MAPK13: variants seen among roughly 807,000 people sequenced by gnomAD.
MAPK13 encodes the protein MAP kinase 13.
In MAPK13, 39 loss-of-function variants were observed where a neutral mutation model predicts 53.5. The observed-to-expected ratio is 0.73, with a 90% confidence interval of 0.56 to 0.95. The LOEUF is 0.95. Among genes scored for constraint, MAPK13 ranks in the 40% least tolerant of loss-of-function variants. MAPK13 has a pLI of 0.00. For missense variants in MAPK13, 460 were observed against 471.8 expected, an observed-to-expected ratio of 0.98 and a Z score of 0.23; for synonymous variants, 179 against 190.9, an observed-to-expected ratio of 0.94 and a Z score of 0.51.
rs1561790308 is a variant in MAPK13, at chr6:36,136,886, C to G, written c.618C>G (p.Ile206Met). Residue 206 changes from isoleucine (I) to methionine (M), a missense_variant, in exon 8 of 12, where the codon ATC (isoleucine) becomes ATG (methionine). Physicochemically the swap from Ile to Met is conservative, Grantham distance 10. Coordinates refer to ENST00000211287, the MANE Select transcript of MAPK13 (RefSeq NM_002754.5). Reference protein sequence around the residue: ...SWMHYNQTVDIWSVGCIMAEM... With the variant: ...SWMHYNQTVDMWSVGCIMAEM... ...CTCTCCCTCCCTCTGCAGTGGACAT[C>G]TGGTCTGTGGGCTGTATCATGGCAG... 1.7e-5 allele frequency: 27 copies of G among 1,614,160 alleles called. No homozygotes were observed. The highest frequency in any genetic ancestry group is 2.3e-5 in the Non-Finnish European group (27 of 1,179,996).
chr6:36,135,235 A>G (rs1266357122), intron 3 of MAPK13, among the ~76,000 whole-genome samples: 1 of 152,094 alleles, frequency 6.6e-6, no homozygotes, highest in Non-Finnish European at 1.5e-5. Context: ...CTGTTGTGCA[A>G]TCCCCTAAGA....
intron 1 of MAPK13, 95 bp from the exon 2 acceptor site, chr6:36,131,176 T>C (rs1440401734): frequency 1.4e-6 from 2 of 1,456,076 alleles, no homozygotes; most frequent in Admixed American, 2.2e-5. Flanking sequence ...CCTAGTCCCC[T>C]CTCAGCCCAG....
chr6:36,132,521 T>G, intron 2 of MAPK13, 100 bp from the exon 3 acceptor site: 1 of 1,025,108 alleles, frequency 9.8e-7, no homozygotes, highest in Non-Finnish European at 1.5e-6. Flanking sequence ...AGGTGGTGTA[T>G]TAGGAAAGGG....
Position 36,139,153 on chromosome 6 carries a change from A to G in MAPK13, c.1018+98A>G, listed in dbSNP as rs1011966128. ...CTGGCCTCTGCCAGCCCTACCTGCC[A>G]CCTCCTTCTTGGTGGGCATTGTCTC... is the stretch of plus-strand genomic sequence containing the variant. On this transcript the variant is annotated intron_variant, in intron 11 of 11. Transcript: ENST00000211287. 2.9e-5 allele frequency: 40 copies of G among 1,399,450 alleles called. No homozygotes were observed. The Admixed American group carries it at 9.1e-4, about 32-fold the overall frequency. The allele number at this position is 1,399,450 out of a possible 1,614,324, so 86.7% of individuals were successfully genotyped here. A position where few individuals can be genotyped will look rare whatever the true frequency, so the allele number is the denominator to read the frequency against.
In MAPK13 at chr6:36,139,267, C is replaced by T. The variant is rs745584952; in HGVS notation, c.1019-27C>T. On this transcript the variant is annotated intron_variant, in intron 11 of 11. Transcript: ENST00000211287. ...TTTCTCGCCACAGCACCTCTTTACG[C>T]ACCTTAAACCATGCTGCCTTTCTCA... 3 of 1,604,478 alleles carry T rather than the reference C, an allele frequency of 1.9e-6. No individual in the cohort carries two copies. In the Admixed American group the frequency reaches 5.0e-5, roughly 27 times the overall value.
At chr6:36,136,827 A>G in intron 7 of MAPK13, 52 bp from the exon 8 acceptor site, 1 of 1,611,196 alleles carries the variant, frequency 6.2e-7, no homozygotes, top group East Asian at 2.2e-5. Context: ...CTCGGTGCTG[A>G]CTGACTGCTG....
chr6:36,136,411 C>G (rs1360623811), intron 5 of MAPK13, 73 bp from the exon 6 acceptor site: 1 of 1,351,124 alleles, frequency 7.4e-7, no homozygotes, highest in Admixed American at 2.4e-5. Flanking sequence ...GGTCACACCC[C>G]TGGGTGGTGG....
chr6:36,135,953 G>C (rs184759004), intron 4 of MAPK13, 66 bp from the exon 5 acceptor site: 7 of 1,605,490 alleles, frequency 4.4e-6, no homozygotes, highest in Admixed American at 3.3e-5. Context: ...GTTACAGGTC[G>C]GCCAGCCTGA....
At position 36,130,711 on chromosome 6, in the gene MAPK13, C is replaced by G; in HGVS notation, c.119+10C>G. On this transcript the variant is annotated intron_variant, in intron 1 of 11. Transcript: ENST00000211287. This position sits in a 1 kb window ranked among gnomAD's most constrained non-coding sequence, Gnocchi z 4.5. ...CCTATGGCTCCGTGTGGTGAGACCC[C>G]TGGGCCGCTGGGGGGCGGGGGGCGG... 2.1e-6 allele frequency: 2 copies of G among 936,624 alleles called. No homozygotes were observed. Among genetic ancestry groups the G allele is most frequent in the Non-Finnish European group, 3.1e-6 (2 of 646,298 alleles). The allele number at this position is 936,624 out of a possible 1,614,324, so 58.0% of individuals were successfully genotyped here. A position where few individuals can be genotyped will look rare whatever the true frequency, so the allele number is the denominator to read the frequency against.
chr6:36,137,081 C>T (rs973477114), intron 8 of MAPK13, 131 bp downstream of exon 8: 11 of 784,706 alleles, frequency 1.4e-5, no homozygotes, highest in Admixed American at 1.3e-4. Context: ...TTTGTAAATG[C>T]AGATAAGGCT....
intron 1 of MAPK13, chr6:36,131,039 G>T (rs1192021130): frequency 7.3e-6 from 4 of 550,934 alleles, no homozygotes; most frequent in Non-Finnish European, 1.3e-5. Flanking sequence ...TGAGACTCCC[G>T]CCCTGCCGTG....
chr6:36,136,261 A>T (rs1293461582), intron 5 of MAPK13, among the ~76,000 whole-genome samples: 3 of 152,162 alleles, frequency 2.0e-5, no homozygotes, highest in African/African-American at 7.2e-5. Context: ...CTGCAGACAA[A>T]GTGAGCCCTG....
chr6:36,131,514 T>G (rs1477374035), intron 2 of MAPK13, 114 bp downstream of exon 2: 1 of 1,034,130 alleles, frequency 9.7e-7, no homozygotes, highest in African/African-American at 1.6e-5. Context: ...CCTGCTCCCC[T>G]GACGGTGCCT....
In MAPK13 at chr6:36,136,493, C is replaced by T. The variant is rs774392687; in HGVS notation, c.457C>T (p.Pro153Ser). 2.5e-6 allele frequency: 4 copies of T among 1,599,096 alleles called. No homozygotes were observed. Among genetic ancestry groups the T allele is most frequent in the South Asian group, 1.1e-5 (1 of 88,316 alleles). ...SAGVVHRDLKPGNLAVNEDCE... is the reference protein window; with the variant it reads ...SAGVVHRDLKSGNLAVNEDCE... ...TCTGTCCTCCCCCCAGGACCTGAAG[C>T]CAGGCAACCTGGCTGTGAATGAGGA... Residue 153 changes from proline to serine, a missense_variant, in exon 6 of 12, where the codon CCA becomes TCA. Pro to Ser is a moderately conservative substitution (Grantham distance 74). Transcript: ENST00000211287.
At position 36,132,613 on chromosome 6, in the gene MAPK13, T is replaced by G; in HGVS notation, c.250-8T>G. 2 of 1,614,108 alleles carry G rather than the reference T, an allele frequency of 1.2e-6. No homozygotes were observed. The highest frequency in any genetic ancestry group is 1.7e-6 in the Non-Finnish European group (2 of 1,179,954). On this transcript the variant is annotated splice_polypyrimidine_tract_variant and splice_region_variant and intron_variant, in intron 2 of 11. Coordinates refer to ENST00000211287, the MANE Select transcript of MAPK13 (RefSeq NM_002754.5). Reference sequence around the variant, plus strand: ...CTGTCTAGCCCTCACAGGTGACTTCTTCCCCAGGTCATTGGGCTCCTGGAT... The same window carrying G: ...CTGTCTAGCCCTCACAGGTGACTTCGTCCCCAGGTCATTGGGCTCCTGGAT...
Position 36,130,716 on chromosome 6 carries a change from C to G in MAPK13, c.119+15C>G. Reference sequence around the variant, plus strand: ...GGCTCCGTGTGGTGAGACCCCTGGGCCGCTGGGGGGCGGGGGGCGGGCGCC... The same window carrying G: ...GGCTCCGTGTGGTGAGACCCCTGGGGCGCTGGGGGGCGGGGGGCGGGCGCC... On this transcript the variant is annotated intron_variant, in intron 1 of 11. Coordinates refer to ENST00000211287, the MANE Select transcript of MAPK13 (RefSeq NM_002754.5). The surrounding 1 kb of genome is among the most constrained non-coding windows in gnomAD (Gnocchi z 4.5). 2 of 717,774 alleles carry G rather than the reference C, an allele frequency of 2.8e-6. No individual in the cohort carries two copies. Among genetic ancestry groups the G allele is most frequent in the Non-Finnish European group, 4.1e-6 (2 of 484,748 alleles). The allele number at this position is 717,774 out of a possible 1,614,324, so 44.5% of individuals were successfully genotyped here.
Position 36,136,871 on chromosome 6 carries a change from C to T in MAPK13, c.611-8C>T. ...ACAGTCCAGGTGACACTCTCCCTCCCTCTGCAGTGGACATCTGGTCTGTGG... is the reference window on the plus strand; with the variant it reads ...ACAGTCCAGGTGACACTCTCCCTCCTTCTGCAGTGGACATCTGGTCTGTGG... On this transcript the variant is annotated splice_region_variant and splice_polypyrimidine_tract_variant and intron_variant, in intron 7 of 11. Transcript: ENST00000211287. 6.2e-7 allele frequency: 1 copy of T among 1,614,018 alleles called. No individual in the cohort carries two copies. The highest frequency in any genetic ancestry group is 8.5e-7 in the Non-Finnish European group (1 of 1,179,856).
chr6:36,130,608 T>A lies in MAPK13; in HGVS notation c.26T>A (p.Phe9Tyr). 6.3e-7 allele frequency: 1 copy of A among 1,581,024 alleles called. No individual in the cohort carries two copies. Among genetic ancestry groups the A allele is most frequent in the East Asian group, 2.5e-5 (1 of 39,948 alleles). ...ATGAGCCTCATCCGGAAAAAGGGCT[T>A]CTACAAGCAGGACGTCAACAAGACA... is the stretch of plus-strand genomic sequence containing the variant. MSLIRKKG[F>Y]YKQDVNKTAW... Residue 9 changes from phenylalanine to tyrosine, a missense_variant, in exon 1 of 12, where the codon TTC (phenylalanine) becomes TAC (tyrosine). By Grantham distance (22) the Phe-to-Tyr change is conservative (BLOSUM62 3). Coordinates refer to ENST00000211287, the MANE Select transcript of MAPK13 (RefSeq NM_002754.5). The surrounding 1 kb of genome is among the most constrained non-coding windows in gnomAD (Gnocchi z 4.5).
chr6:36,137,615 A>G (rs1005342471), intron 8 of MAPK13, among the ~76,000 whole-genome samples: 71 of 149,082 alleles, frequency 4.8e-4, no homozygotes, highest in Admixed American at 2.1e-4. Context: ...GTGCCACTGT[A>G]CTCCAGCCTG....
Sources: allele counts gnomAD v4.1 joint callset (sites outside exome capture counted in the v4.1 genomes callset), GRCh38; gene constraint gnomAD v4.1.1; non-coding constraint Gnocchi (gnomAD v3.1); transcripts MANE v1.5; gene names NCBI Gene and HGNC (gene_info 2026-07-23, HGNC 2026-07-21).